The following SLC7A14 variants were observed in gnomAD, a reference collection of about 807,000 sequenced individuals.
SLC7A14 encodes solute carrier family 7 member 14, also known as gamma-aminobutyric acid transporter SLC7A14.
In SLC7A14, 37 loss-of-function variants were observed where a neutral mutation model predicts 60.2. That is an observed-to-expected ratio of 0.61 (90% confidence interval 0.47 to 0.81). The LOEUF (loss-of-function observed/expected upper bound fraction) is 0.81. Ranked by LOEUF, SLC7A14 falls within the 30% of genes least tolerant of loss-of-function variation. The pLI, the probability that SLC7A14 is intolerant of heterozygous loss-of-function variation, is 0.00. For synonymous variants in SLC7A14, 399 were observed against 395.8 expected, an observed-to-expected ratio of 1.01 and a Z score of -0.10; for missense variants, 886 against 982.7, an observed-to-expected ratio of 0.90 and a Z score of 1.32.
At chr3:170,578,240 A>C (rs1037522040) in intron 1 of SLC7A14, among the ~76,000 whole-genome samples, 19 of 152,258 alleles carry the variant, frequency 1.2e-4, no homozygotes, top group African/African-American at 4.3e-4. Context: ...CCTGCACAGC[A>C]CCAACATTCA....
Position 170,582,584 on chromosome 3 carries a change from T to C in SLC7A14, c.-153+3327A>G, listed in dbSNP as rs143426336. ...TTCTTGACAGATCACCTAGTGAAGGTACAATAGAAGTTATGTATTTAATTA... is the reference window on the plus strand; with the variant it reads ...TTCTTGACAGATCACCTAGTGAAGGCACAATAGAAGTTATGTATTTAATTA... On this transcript the variant is annotated intron_variant, in intron 1 of 7. Transcript: ENST00000231706. Among the ~76,000 whole-genome samples the C allele has an allele frequency of 1.1e-4, 16 of 152,256 alleles. No homozygotes were observed. In the East Asian group the frequency reaches 2.9e-3, roughly 28 times the overall value.
chr3:170,532,078 C>G lies in SLC7A14; in HGVS notation c.-152-4990G>C, dbSNP rs1268970140. ...ATTCCTGCCTGATTTTGCAAATATGCTAAGGGACTACAAAAATCCCTCATG... is the reference window on the plus strand; with the variant it reads ...ATTCCTGCCTGATTTTGCAAATATGGTAAGGGACTACAAAAATCCCTCATG... On this transcript the variant is annotated intron_variant, in intron 1 of 7. Coordinates refer to ENST00000231706, the MANE Select transcript of SLC7A14 (RefSeq NM_020949.3). This position sits in a 1 kb window ranked among gnomAD's most constrained non-coding sequence, Gnocchi z 4.0. 6.6e-6 allele frequency among the ~76,000 whole-genome samples: 1 copy of G among 152,152 alleles called. No homozygotes were observed. The highest frequency in any genetic ancestry group is 1.5e-5 in the Non-Finnish European group (1 of 68,024).
chr3:170,498,619 G>A, intron 4 of SLC7A14, 48 bp downstream of exon 4: 1 of 1,575,048 alleles, frequency 6.3e-7, no homozygotes, highest in Non-Finnish European at 8.7e-7. Flanking sequence ...TCACAGGGTA[G>A]AAGGCAGAGT....
intron 2 of SLC7A14, among the ~76,000 whole-genome samples, chr3:170,518,468 C>A (rs1301176213): frequency 6.6e-6 from 1 of 152,170 alleles, no homozygotes; most frequent in Non-Finnish European, 1.5e-5. Context: ...TTTGGCCTTT[C>A]AGGGACTAGG....
chr3:170,492,069 GA>G (rs764510631), intron 4 of SLC7A14, among the ~76,000 whole-genome samples: 19 of 152,292 alleles, frequency 1.2e-4, no homozygotes, highest in Non-Finnish European at 2.5e-4. Flanking sequence ...CCCATGAAAT[GA>G]AACTGTATAT....
chr3:170,531,527 C>T (rs1012899021), intron 1 of SLC7A14, among the ~76,000 whole-genome samples: 1 of 152,220 alleles, frequency 6.6e-6, no homozygotes, highest in Admixed American at 6.5e-5. Context: ...GTCCTATTCT[C>T]TTCACGCAAT....
intron 1 of SLC7A14, among the ~76,000 whole-genome samples, chr3:170,557,074 G>C (rs1714505050): frequency 6.6e-6 from 1 of 152,232 alleles, no homozygotes; most frequent in Non-Finnish European, 1.5e-5. Context: ...AGAGTTCTCA[G>C]AGTCTGTTCT....
intron 4 of SLC7A14, chr3:170,496,738 A>G: frequency 1.3e-6 from 1 of 769,372 alleles, no homozygotes. Flanking sequence ...CCCTGGCCTC[A>G]GCTATGGCCT....
At chr3:170,580,048 T>G (rs959782473) in intron 1 of SLC7A14, among the ~76,000 whole-genome samples, 2 of 152,190 alleles carry the variant, frequency 1.3e-5, no homozygotes, top group Admixed American at 6.5e-5. Context: ...TGCCTCCTGT[T>G]TTATTTGCTA....
chr3:170,557,392 G>A (rs1448411830), intron 1 of SLC7A14, among the ~76,000 whole-genome samples: 1 of 152,156 alleles, frequency 6.6e-6, no homozygotes, highest in Non-Finnish European at 1.5e-5. Flanking sequence ...GTTACCTAGA[G>A]AGGTTCAATT....
chr3:170,580,702 T>TG (rs1715211217), intron 1 of SLC7A14, among the ~76,000 whole-genome samples: 1 of 152,210 alleles, frequency 6.6e-6, no homozygotes, highest in South Asian at 2.1e-4. Context: ...TAAAACCTCA[T>TG]GCCCTTGGTC....
At chr3:170,577,624 CAAAAAAAAAAAAA>C (rs56357954) in intron 1 of SLC7A14, among the ~76,000 whole-genome samples, 1 of 52,062 alleles carries the variant, frequency 1.9e-5, no homozygotes. Context: ...GACTCCGTCT[CAAAAAAAAAAAAA>C]AAAAAAAAAA....
rs202106161 is a variant in SLC7A14, at chr3:170,471,877, G to A, written c.1994-4500C>T. The stretch of plus-strand genomic sequence containing the variant: ...GCAGATAACTTAGAGCCATTGCTTT[G>A]TAGTTACATAACTTATGTCAGTAAG... On this transcript the variant is annotated intron_variant, in intron 7 of 7. Transcript: ENST00000231706. 7.2e-5 allele frequency among the ~76,000 whole-genome samples: 11 copies of A among 152,284 alleles called. No individual in the cohort carries two copies. In the East Asian group the frequency reaches 1.9e-3, roughly 27 times the overall value.
chr3:170,476,684 TTTC>T (rs1186116857), intron 7 of SLC7A14: 1 of 152,272 alleles, frequency 6.6e-6, no homozygotes, highest in African/African-American at 2.4e-5. Flanking sequence ...GAAATACATG[TTTC>T]TTGTTGCTTT....
intron 1 of SLC7A14, among the ~76,000 whole-genome samples, chr3:170,553,702 C>G (rs4386503): frequency 6.6e-6 from 1 of 152,192 alleles, no homozygotes; most frequent in Admixed American, 6.5e-5. Flanking sequence ...GCAGGGGCTT[C>G]TGAAATGAGA....
intron 2 of SLC7A14, among the ~76,000 whole-genome samples, chr3:170,510,035 G>A (rs1299120443): frequency 6.2e-5 from 9 of 144,794 alleles, no homozygotes; most frequent in Admixed American, 1.4e-4. Flanking sequence ...CCAAGATCGC[G>A]CCACTGCTCT....
At chr3:170,530,613 T>C (rs1384397874) in intron 1 of SLC7A14, among the ~76,000 whole-genome samples, 1 of 152,206 alleles carries the variant, frequency 6.6e-6, no homozygotes, top group Non-Finnish European at 1.5e-5. Flanking sequence ...AGGTGAGCAA[T>C]ATGAGATGAC....
chr3:170,544,098 A>G (rs1435215244), intron 1 of SLC7A14, among the ~76,000 whole-genome samples: 1 of 152,056 alleles, frequency 6.6e-6, no homozygotes, highest in African/African-American at 2.4e-5. Context: ...ATAAGCCTCC[A>G]CATTCGGAGC....
At chr3:170,519,025 G>A (rs185515458) in intron 2 of SLC7A14, among the ~76,000 whole-genome samples, 60 of 152,240 alleles carry the variant, frequency 3.9e-4, no homozygotes, top group African/African-American at 1.3e-3. Context: ...CATTACTGAC[G>A]CTTTTTTGAG....
Sources: gnomAD v4.1 joint callset for allele counts (sites outside exome capture counted in the v4.1 genomes callset) on GRCh38, gnomAD v4.1.1 for gene constraint, Gnocchi (gnomAD v3.1) non-coding constraint, MANE v1.5 for transcripts, NCBI Gene and HGNC (gene_info 2026-07-23, HGNC 2026-07-21) for gene names.